Variants in STXBP5L observed in about 807,000 individuals in gnomAD.
STXBP5L encodes the protein syntaxin binding protein 5L.
In STXBP5L, 65 loss-of-function variants were observed where a neutral mutation model predicts 144.5. That is an observed-to-expected ratio of 0.45 (90% CI 0.37 to 0.55). The LOEUF (loss-of-function observed/expected upper bound fraction) is 0.55, where lower values mean the gene tolerates loss of function less well. STXBP5L is among the 20% of genes least tolerant of loss of function. STXBP5L has a pLI of 0.00. For synonymous variants in STXBP5L, 505 were observed against 469.6 expected (o/e 1.08, Z -0.97); for missense variants, 1,298 against 1,405.5 (o/e 0.92, Z 1.22).
At chr3:121,063,160 C>A (rs957419108) in intron 5 of STXBP5L, among the ~76,000 whole-genome samples, 1 of 152,148 alleles carries the variant, frequency 6.6e-6, no homozygotes, top group African/African-American at 2.4e-5. Context: ...TACCTTTGGT[C>A]TTTGATGTTG....
chr3:121,003,924 C>G (rs1358150319), intron 3 of STXBP5L, among the ~76,000 whole-genome samples: 1 of 152,180 alleles, frequency 6.6e-6, no homozygotes, highest in Non-Finnish European at 1.5e-5. Flanking sequence ...TGTTTTGGTA[C>G]CAGTACCACG....
chr3:121,329,562 T>C (rs1226140864), intron 20 of STXBP5L, among the ~76,000 whole-genome samples: 1 of 152,206 alleles, frequency 6.6e-6, no homozygotes, highest in Non-Finnish European at 1.5e-5. Flanking sequence ...ACAGTTAGAA[T>C]GTCAAGAATG....
chr3:121,160,244 A>C (rs1577083417), intron 9 of STXBP5L, among the ~76,000 whole-genome samples: 1 of 152,314 alleles, frequency 6.6e-6, no homozygotes, highest in East Asian at 1.9e-4. Flanking sequence ...CACGCTTCTC[A>C]GTTTAATTCT....
chr3:121,138,184 A>T (rs966591472), intron 7 of STXBP5L, among the ~76,000 whole-genome samples: 2 of 152,102 alleles, frequency 1.3e-5, no homozygotes, highest in African/African-American at 4.8e-5. Flanking sequence ...CCATTAAAAA[A>T]ACTGGGAATA....
intron 5 of STXBP5L, among the ~76,000 whole-genome samples, chr3:121,110,697 A>G (rs952009834): frequency 2.6e-5 from 4 of 151,990 alleles, no homozygotes; most frequent in Non-Finnish European, 4.4e-5. Context: ...ATCTGATATT[A>G]TGTGCCTTGG....
rs758565607 is a variant in STXBP5L at position 121,378,722 on chromosome 3, T to C, written c.2183T>C (p.Val728Ala). ...CTTCCTCCTCTTGGCACAGACCATG[T>C]AAATGGACACTGCACAAGTCCAACT... is the stretch of plus-strand genomic sequence containing the variant. ...ERCKSPTSDH[V>A]NGHCTSPTSQ... The change falls in exon 21 of 27, where the codon GTA becomes GCA. Residue 728 changes from valine (V) to alanine (A), a missense_variant. Transcript: ENST00000471454. The C allele has an allele frequency of 6.2e-7, 1 of 1,613,328 alleles. No homozygotes were observed. Among genetic ancestry groups the C allele is most frequent in the Admixed American group, 1.7e-5 (1 of 59,892 alleles).
At chr3:121,069,665 C>T (rs1266639920) in intron 5 of STXBP5L, among the ~76,000 whole-genome samples, 1 of 151,628 alleles carries the variant, frequency 6.6e-6, no homozygotes, top group East Asian at 1.9e-4. Context: ...ACATCTAGGT[C>T]ACGTCTCGGT....
chr3:121,120,593 G>C (rs961477081), intron 6 of STXBP5L, among the ~76,000 whole-genome samples: 2 of 151,162 alleles, frequency 1.3e-5, no homozygotes, highest in Non-Finnish European at 3.0e-5. Flanking sequence ...AAATATTTAA[G>C]ATGAATCCAC....
chr3:120,991,497 T>A lies in STXBP5L; in HGVS notation c.287+36460T>A, dbSNP rs1576593669. ...CATTACTGGGTATATACCCAAAGGATTATAAATCATGCTACTATAAAGACA... is the reference window on the plus strand; with the variant it reads ...CATTACTGGGTATATACCCAAAGGAATATAAATCATGCTACTATAAAGACA... On this transcript the variant is annotated intron_variant, in intron 3 of 26. Coordinates refer to ENST00000471454, the MANE Select transcript of STXBP5L (RefSeq NM_001308330.2). Among the ~76,000 whole-genome samples the A allele has an allele frequency of 2.0e-5, 3 of 152,290 alleles. No homozygotes were observed. In the South Asian group the frequency reaches 6.2e-4, roughly 32 times the overall value.
chr3:121,170,576 A>C (rs986294851), intron 9 of STXBP5L, among the ~76,000 whole-genome samples: 3 of 152,232 alleles, frequency 2.0e-5, no homozygotes, highest in Non-Finnish European at 4.4e-5. Flanking sequence ...CTATGCAAAT[A>C]AAATAGAAAA....
chr3:121,092,510 G>T (rs560122441), intron 5 of STXBP5L, among the ~76,000 whole-genome samples: 3 of 152,082 alleles, frequency 2.0e-5, no homozygotes, highest in Admixed American at 6.6e-5. Context: ...TGGATTCCTA[G>T]GTATTTTATT....
At chr3:121,315,816 A>C (rs1342934644) in intron 19 of STXBP5L, among the ~76,000 whole-genome samples, 5 of 151,968 alleles carry the variant, frequency 3.3e-5, no homozygotes, top group African/African-American at 1.2e-4. Flanking sequence ...AGCCTGGCCA[A>C]TATGATGAAA....
intron 10 of STXBP5L, among the ~76,000 whole-genome samples, chr3:121,222,790 C>A (rs1315336538): frequency 1.3e-5 from 2 of 152,078 alleles, no homozygotes; most frequent in Non-Finnish European, 2.9e-5. Flanking sequence ...TTAGACTGGT[C>A]CATTAGTAAA....
intron 20 of STXBP5L, among the ~76,000 whole-genome samples, chr3:121,356,023 G>T (rs2045499090): frequency 6.6e-6 from 1 of 152,234 alleles, no homozygotes; most frequent in African/African-American, 2.4e-5. Context: ...AGTGGAGGCT[G>T]CAGAACAGCA....
chr3:121,418,317 G>C lies in STXBP5L; in HGVS notation c.3227-20G>C, dbSNP rs773567722. On this transcript the variant is annotated intron_variant, in intron 25 of 26. Coordinates refer to ENST00000471454, the MANE Select transcript of STXBP5L (RefSeq NM_001308330.2). ...AATTACTGACAAAATGTTTTAAATT[G>C]CTATTGCATATATTCTCAGTTGGGG... The C allele has an allele frequency of 6.9e-6, 11 of 1,603,412 alleles. No homozygotes were observed. In the South Asian group the frequency reaches 1.2e-4, roughly 18 times the overall value.
At chr3:121,347,566 G>A (rs762114251) in intron 20 of STXBP5L, among the ~76,000 whole-genome samples, 3 of 152,246 alleles carry the variant, frequency 2.0e-5, no homozygotes, top group Admixed American at 6.5e-5. Context: ...CCATTTTCAC[G>A]ATATTGATTC....
At chr3:121,060,921 G>C (rs933464458) in intron 5 of STXBP5L, among the ~76,000 whole-genome samples, 17 of 152,182 alleles carry the variant, frequency 1.1e-4, no homozygotes, top group Admixed American at 2.6e-4. Flanking sequence ...CAAAAAACCA[G>C]CTCCTGGATT....
intron 20 of STXBP5L, among the ~76,000 whole-genome samples, chr3:121,375,050 G>C (rs1341726808): frequency 6.6e-6 from 1 of 151,890 alleles, no homozygotes; most frequent in Non-Finnish European, 1.5e-5. Context: ...GAGTGAAAGA[G>C]GAGAAATTAC....
chr3:120,970,988 C>T (rs760778163), intron 3 of STXBP5L, among the ~76,000 whole-genome samples: 1 of 152,126 alleles, frequency 6.6e-6, no homozygotes, highest in Non-Finnish European at 1.5e-5. Context: ...TTACAGTGAG[C>T]ACCAAATGTT....
Sources: allele counts gnomAD v4.1 joint callset (sites outside exome capture counted in the v4.1 genomes callset), GRCh38; gene constraint gnomAD v4.1.1; transcripts MANE v1.5; gene names NCBI Gene and HGNC (gene_info 2026-07-23, HGNC 2026-07-21).